FSTL5: variants seen among roughly 807,000 people sequenced by gnomAD.
FSTL5 encodes follistatin like 5.
Under a neutral mutation model 89.1 loss-of-function variants are expected in FSTL5, and 62 were observed. The ratio of observed to expected loss-of-function variants is 0.70; its 90% CI spans 0.57 to 0.86. The LOEUF (loss-of-function observed/expected upper bound fraction) is 0.86. Ranked by LOEUF, FSTL5 falls within the 40% of genes least tolerant of loss-of-function variation. The pLI, the probability that FSTL5 is intolerant of heterozygous loss-of-function variation, is 0.00. For synonymous variants in FSTL5, 383 were observed against 346.2 expected (o/e 1.11, Z -1.18); for missense variants, 1,057 against 1,001.6 (o/e 1.06, Z -0.75).
At chr4:161,637,493 G>A (rs997554284) in intron 7 of FSTL5, among the ~76,000 whole-genome samples, 33 of 152,020 alleles carry the variant, frequency 2.2e-4, no homozygotes, top group East Asian at 1.8e-3. Flanking sequence ...CAATTTTGTC[G>A]TTTGTTGCCA....
chr4:161,406,420 T>A (rs564800150), intron 15 of FSTL5, among the ~76,000 whole-genome samples: 51 of 152,318 alleles, frequency 3.3e-4, no homozygotes, highest in African/African-American at 1.2e-3. Flanking sequence ...CGAGACTTGC[T>A]CTGTAGCTTA....
intron 15 of FSTL5, among the ~76,000 whole-genome samples, chr4:161,448,546 T>C (rs1302787385): frequency 6.6e-6 from 1 of 152,174 alleles, no homozygotes; most frequent in East Asian, 1.9e-4. Flanking sequence ...TGGAGGAGTT[T>C]TAAGGAAACA....
chr4:161,556,861 T>TAA (rs1553997292), intron 8 of FSTL5, among the ~76,000 whole-genome samples: 4 of 150,224 alleles, frequency 2.7e-5, no homozygotes, highest in African/African-American at 4.9e-5. Context: ...TATATATATA[T>TAA]AATCCTGGAT....
At chr4:162,046,057 A>G (rs1249175883) in intron 2 of FSTL5, among the ~76,000 whole-genome samples, 3 of 152,184 alleles carry the variant, frequency 2.0e-5, no homozygotes, top group Non-Finnish European at 4.4e-5. Context: ...TCATTGGAAC[A>G]CATTAAGTTT....
At chr4:161,996,705 G>A (rs959504753) in intron 3 of FSTL5, among the ~76,000 whole-genome samples, 7 of 152,180 alleles carry the variant, frequency 4.6e-5, no homozygotes, top group Non-Finnish European at 7.3e-5. Flanking sequence ...TTTTGGAACC[G>A]TTGGCCCAGT....
At position 161,424,350 on chromosome 4, in the gene FSTL5, C is replaced by G. The variant is rs1578962667; in HGVS notation, c.1841+30654G>C. On this transcript the variant is annotated intron_variant, in intron 15 of 15. Transcript: ENST00000306100. ...TTCATTTCATTAAAATAATCATTTA[C>G]TGTTTAGTGGGAACATAGGGCATAG... 2.0e-5 allele frequency among the ~76,000 whole-genome samples: 3 copies of G among 150,042 alleles called. No individual in the cohort carries two copies. In the East Asian group the frequency reaches 5.8e-4, roughly 29 times the overall value.
At chr4:162,129,027 C>T (rs1038618168) in intron 1 of FSTL5, among the ~76,000 whole-genome samples, 15 of 151,356 alleles carry the variant, frequency 9.9e-5, no homozygotes, top group Non-Finnish European at 1.6e-4. Flanking sequence ...CGGGTTCAAG[C>T]GATTCTCCTG....
chr4:161,942,514 A>G (rs1309776483), intron 3 of FSTL5, among the ~76,000 whole-genome samples: 1 of 151,982 alleles, frequency 6.6e-6, no homozygotes, highest in Non-Finnish European at 1.5e-5. Flanking sequence ...ATCAGTAATC[A>G]AAGACCTCCC....
At chr4:161,524,055 C>T (rs1731123442) in intron 10 of FSTL5, among the ~76,000 whole-genome samples, 1 of 152,120 alleles carries the variant, frequency 6.6e-6, no homozygotes, top group Admixed American at 6.6e-5. Context: ...TTATACCTCT[C>T]TGGCATTAAT....
rs117981350 is a variant in FSTL5, at chr4:161,909,205, G to A, written c.409+11199C>T. On this transcript the variant is annotated intron_variant, in intron 4 of 15. Coordinates refer to ENST00000306100, the MANE Select transcript of FSTL5 (RefSeq NM_020116.5). ...GGAGTCCATTTTGGTCCATACATAA[G>A]CTGAGGCTGAAGATCCCCACCAGGA... 8.9e-4 allele frequency among the ~76,000 whole-genome samples: 136 copies of A among 152,210 alleles called. 4 individuals carry two copies. The East Asian group carries it at 0.026, about 29-fold the overall frequency.
At position 162,056,251 on chromosome 4, in the gene FSTL5, C is replaced by T. The variant is rs142196694; in HGVS notation, c.127-22593G>A. 2.6e-3 allele frequency among the ~76,000 whole-genome samples: 388 copies of T among 152,058 alleles called. 5 individuals carry two copies. The highest frequency in any genetic ancestry group is 9.1e-3 in the African/African-American group (376 of 41,472). ...ATCCAATGGTAACAAAAATGGGTTA[C>T]ATATATGAATGGGACCAAGAAAGAA... is the stretch of plus-strand genomic sequence containing the variant. On this transcript the variant is annotated intron_variant, in intron 2 of 15. Transcript: ENST00000306100.
chr4:161,420,297 C>T lies in FSTL5; in HGVS notation c.1842-33848G>A, dbSNP rs181359856. Among the ~76,000 whole-genome samples, 5 of 152,260 alleles carry T rather than the reference C, an allele frequency of 3.3e-5. No individual in the cohort carries two copies. In the East Asian group the frequency reaches 5.8e-4, roughly 18 times the overall value. ...AGAAGGTAGTTATAAATACTAGCTACGGCCATGTGACCAGTTACAAAAACA... is the reference window on the plus strand; with the variant it reads ...AGAAGGTAGTTATAAATACTAGCTATGGCCATGTGACCAGTTACAAAAACA... On this transcript the variant is annotated intron_variant, in intron 15 of 15. Coordinates refer to ENST00000306100, the MANE Select transcript of FSTL5 (RefSeq NM_020116.5).
At chr4:161,603,529 C>T (rs920639472) in intron 7 of FSTL5, among the ~76,000 whole-genome samples, 1 of 152,102 alleles carries the variant, frequency 6.6e-6, no homozygotes, top group African/African-American at 2.4e-5. Context: ...TATGATGGCA[C>T]CCTAATCTGA....
At chr4:161,884,480 T>C (rs1732737244) in intron 4 of FSTL5, among the ~76,000 whole-genome samples, 1 of 152,196 alleles carries the variant, frequency 6.6e-6, no homozygotes, top group Non-Finnish European at 1.5e-5. Context: ...TTCTAAGCAC[T>C]ATTTTTTAAA....
intron 7 of FSTL5, among the ~76,000 whole-genome samples, chr4:161,600,266 T>C (rs1166779924): frequency 6.6e-6 from 1 of 151,730 alleles, no homozygotes. Context: ...CTTAGGGATG[T>C]ATACATTTAT....
chr4:161,442,381 ACTT>A (rs1418966650), intron 15 of FSTL5, among the ~76,000 whole-genome samples: 1 of 152,042 alleles, frequency 6.6e-6, no homozygotes, highest in Non-Finnish European at 1.5e-5. Flanking sequence ...CACTGAAAAA[ACTT>A]CTAAAAGTGC....
intron 8 of FSTL5, among the ~76,000 whole-genome samples, chr4:161,552,141 T>A (rs1429189792): frequency 6.6e-6 from 1 of 151,912 alleles, no homozygotes; most frequent in African/African-American, 2.4e-5. Flanking sequence ...TAAACCCACA[T>A]CACTGTAAGG....
intron 7 of FSTL5, among the ~76,000 whole-genome samples, chr4:161,637,891 G>A (rs1286162910): frequency 1.5e-5 from 2 of 133,768 alleles, no homozygotes; most frequent in East Asian, 4.4e-4. Flanking sequence ...TTGAAGTCAG[G>A]TAGTGTGATG....
At chr4:161,832,779 T>G (rs1034086482) in intron 4 of FSTL5, among the ~76,000 whole-genome samples, 5 of 151,660 alleles carry the variant, frequency 3.3e-5, no homozygotes, top group Admixed American at 1.3e-4. Flanking sequence ...CTTTTCTTCT[T>G]TATTAGTCTT....
Sources: allele counts gnomAD v4.1 joint callset (sites outside exome capture counted in the v4.1 genomes callset), GRCh38; gene constraint gnomAD v4.1.1; transcripts MANE v1.5; gene names NCBI Gene and HGNC (gene_info 2026-07-23, HGNC 2026-07-21).